Variants in WWC2 observed in about 807,000 individuals in gnomAD.
The protein encoded by WWC2 is WW and C2 domain containing 2.
Under a neutral mutation model 138.5 loss-of-function variants are expected in WWC2, and 101 were observed. The observed-to-expected ratio is 0.73, with a 90% confidence interval of 0.62 to 0.86. WWC2 has a LOEUF of 0.86. WWC2 is among the 40% of genes least tolerant of loss of function. WWC2 has a pLI of 0.00. For synonymous variants in WWC2, 558 were observed against 538.4 expected, an observed-to-expected ratio of 1.04 and a Z score of -0.50; for missense variants, 1,420 against 1,419.4, an observed-to-expected ratio of 1.00 and a Z score of -0.01.
Position 183,265,770 on chromosome 4 carries a change from T to A in WWC2, c.2120+2T>A. On this transcript the variant is annotated splice_donor_variant, in intron 13 of 22. Transcript: ENST00000403733. LOFTEE classifies it high-confidence loss of function. ...CGCCCAGGTTCAGATAGGACTCAGG[T>A]AAGGAATGTACGTGGGAAAGGAGCA... 1 of 1,610,554 alleles carries A rather than the reference T, an allele frequency of 6.2e-7. No homozygotes were observed. Among genetic ancestry groups the A allele is most frequent in the Non-Finnish European group, 8.5e-7 (1 of 1,178,282 alleles).
At chr4:183,132,614 C>T (rs1319401887) in intron 1 of WWC2, among the ~76,000 whole-genome samples, 4 of 151,798 alleles carry the variant, frequency 2.6e-5, no homozygotes, top group South Asian at 2.1e-4. Flanking sequence ...CTACCACGCC[C>T]GGCTAATTTT....
chr4:183,209,157 G>T, intron 4 of WWC2, 132 bp downstream of exon 4: 1 of 617,978 alleles, frequency 1.6e-6, no homozygotes, highest in Non-Finnish European at 2.9e-6. Context: ...CTGATGAGTG[G>T]TCCTTCTACC....
At chr4:183,243,066 C>A (rs1736668683) in intron 5 of WWC2, among the ~76,000 whole-genome samples, 1 of 152,160 alleles carries the variant, frequency 6.6e-6, no homozygotes, top group Admixed American at 6.5e-5. Context: ...CAGTGGATAG[C>A]CAAGAAATTT....
At chr4:183,221,079 T>C (rs1735923167) in intron 4 of WWC2, among the ~76,000 whole-genome samples, 1 of 152,138 alleles carries the variant, frequency 6.6e-6, no homozygotes, top group African/African-American at 2.4e-5. Context: ...ACTTTAAATA[T>C]AAAGGCCTAG....
intron 7 of WWC2, 133 bp downstream of exon 7, chr4:183,248,993 G>A (rs563930134): frequency 1.2e-4 from 107 of 917,456 alleles, no homozygotes; most frequent in African/African-American, 4.4e-4. Context: ...TTCCATTTTC[G>A]TAAGATTAGT....
chr4:183,267,253 T>G (rs1737534576), intron 14 of WWC2, among the ~76,000 whole-genome samples: 1 of 152,086 alleles, frequency 6.6e-6, no homozygotes. Context: ...TGAATCAAAG[T>G]GTGGACTGTC....
rs1027783868 is a variant in WWC2, at chr4:183,312,420, G to A, written c.3464G>A (p.Arg1155Gln). Residue 1155 changes from arginine to glutamine, a missense_variant, in exon 22 of 23, where the codon CGG becomes CAG. Coordinates refer to ENST00000403733, the MANE Select transcript of WWC2 (RefSeq NM_024949.6). Reference sequence around the variant, plus strand: ...AGGCAAGTCTCCAAGGACGTGTGTCGGCTCCGGGAGCAGAGCCAGAAGGTG... The same window carrying A: ...AGGCAAGTCTCCAAGGACGTGTGTCAGCTCCGGGAGCAGAGCCAGAAGGTG... ...LMRQVSKDVC[R>Q]LREQSQKVPR... 6.8e-6 allele frequency: 11 copies of A among 1,613,662 alleles called. No individual in the cohort carries two copies. The highest frequency in any genetic ancestry group is 1.6e-4 in the Middle Eastern group (1 of 6,082).
At chr4:183,232,721 C>T (rs906685734) in intron 4 of WWC2, among the ~76,000 whole-genome samples, 5 of 152,196 alleles carry the variant, frequency 3.3e-5, no homozygotes, top group African/African-American at 7.2e-5. Context: ...GATCTTGGCT[C>T]ACTGCAACCT....
At chr4:183,285,833 T>TGAGGGGATTTTCTTA in intron 19 of WWC2, 134 bp from the exon 20 acceptor site, 1 of 727,228 alleles carries the variant, frequency 1.4e-6, no homozygotes, top group South Asian at 1.9e-5. Context: ...AAAACTTGTT[T>TGAGGGGATTTTCTTA]GAGGGGATTT....
At chr4:183,266,266 A>G (rs959628090) in intron 14 of WWC2, among the ~76,000 whole-genome samples, 1 of 152,098 alleles carries the variant, frequency 6.6e-6, no homozygotes. Context: ...TTTTTGTGTA[A>G]TTGTTACTAC....
chr4:183,119,560 A>C (rs1471503767), intron 1 of WWC2, among the ~76,000 whole-genome samples: 2 of 152,176 alleles, frequency 1.3e-5, no homozygotes, highest in Non-Finnish European at 2.9e-5. Flanking sequence ...GCCCCTCCTC[A>C]TATTTACTTC....
intron 19 of WWC2, among the ~76,000 whole-genome samples, chr4:183,284,990 T>C (rs1280896737): frequency 6.6e-6 from 1 of 152,228 alleles, no homozygotes; most frequent in Admixed American, 6.5e-5. Context: ...ATTTATTCAT[T>C]CAGTTCAACA....
Position 183,208,155 on chromosome 4 carries a change from C to CTGT in WWC2, c.445_445+2dup, listed in dbSNP as rs756414233. 11 of 1,613,422 alleles carry CTGT rather than the reference C, an allele frequency of 6.8e-6. No homozygotes were observed. Among genetic ancestry groups the CTGT allele is most frequent in the Non-Finnish European group, 6.8e-6 (8 of 1,179,582 alleles). On this transcript the variant is annotated inframe_insertion and splice_region_variant, in exon 3 of 23. Coordinates refer to ENST00000403733, the MANE Select transcript of WWC2 (RefSeq NM_024949.6). Reference sequence around the variant, plus strand: ...AGGAAAAGTCAAGTTCTCACACAAGCTGTAAGTACAGTGTGGCTATTCAGA... The same window carrying CTGT: ...AGGAAAAGTCAAGTTCTCACACAAGCTGTTGTAAGTACAGTGTGGCTATTCAGA...
intron 1 of WWC2, among the ~76,000 whole-genome samples, chr4:183,118,337 A>G (rs1252386070): frequency 6.6e-6 from 1 of 152,166 alleles, no homozygotes; most frequent in Admixed American, 6.5e-5. Flanking sequence ...TCACTAAACT[A>G]TGGTTAAAGA....
intron 8 of WWC2, among the ~76,000 whole-genome samples, chr4:183,252,258 A>G (rs1268170830): frequency 1.3e-5 from 2 of 152,228 alleles, no homozygotes; most frequent in African/African-American, 4.8e-5. Context: ...TGTACTGTTA[A>G]CAATATCCAA....
chr4:183,214,076 A>C (rs974109674), intron 4 of WWC2, among the ~76,000 whole-genome samples: 7 of 152,206 alleles, frequency 4.6e-5, no homozygotes, highest in Non-Finnish European at 1.0e-4. Context: ...CTTTAGAAAT[A>C]CTAATGTATT....
Position 183,119,369 on chromosome 4 carries a change from A to G in WWC2, c.131+19747A>G, listed in dbSNP as rs1371966587. 2.0e-5 allele frequency among the ~76,000 whole-genome samples: 3 copies of G among 152,324 alleles called. No homozygotes were observed. The East Asian group carries it at 5.8e-4, about 29-fold the overall frequency. On this transcript the variant is annotated intron_variant, in intron 1 of 22. Coordinates refer to ENST00000403733, the MANE Select transcript of WWC2 (RefSeq NM_024949.6). ...TAATTAATTCTCCCACTGAGAATATAGGACGAAGTGAAGAGATGCCCTTTG... is the reference window on the plus strand; with the variant it reads ...TAATTAATTCTCCCACTGAGAATATGGGACGAAGTGAAGAGATGCCCTTTG...
At chr4:183,141,145 A>G (rs1358963385) in intron 1 of WWC2, among the ~76,000 whole-genome samples, 1 of 152,216 alleles carries the variant, frequency 6.6e-6, no homozygotes, top group East Asian at 1.9e-4. Flanking sequence ...TGCCATAACA[A>G]AATACCACTG....
chr4:183,215,407 G>C (rs1351488759), intron 4 of WWC2, among the ~76,000 whole-genome samples: 2 of 151,884 alleles, frequency 1.3e-5, no homozygotes, highest in Admixed American at 6.6e-5. Flanking sequence ...AGTGAATTTT[G>C]AGTGAAATTA....
Sources: gnomAD v4.1 joint callset for allele counts (sites outside exome capture counted in the v4.1 genomes callset) on GRCh38, gnomAD v4.1.1 for gene constraint, MANE v1.5 for transcripts, NCBI Gene and HGNC (gene_info 2026-07-23, HGNC 2026-07-21) for gene names.